The following CAMKK2 variants were observed in gnomAD, a reference collection of about 807,000 sequenced individuals.
CAMKK2 encodes the protein calcium/calmodulin dependent protein kinase kinase 2.
A neutral mutation model predicts 67.2 loss-of-function variants in CAMKK2; 30 were observed. The ratio of observed to expected loss-of-function variants is 0.45; its 90% CI spans 0.33 to 0.61. The LOEUF is 0.61. Among genes scored for constraint, CAMKK2 ranks in the 20% least tolerant of loss-of-function variants. The probability of loss-of-function intolerance (pLI) is 0.02; values close to 1 mark genes in which losing one functional copy is unlikely to be tolerated. For synonymous variants in CAMKK2, 322 were observed against 326.2 expected (o/e 0.99, Z 0.14); for missense variants, 643 against 802.0 (o/e 0.80, Z 2.39).
chr12:121,266,044 G>A (rs1050009040), intron 5 of CAMKK2, among the ~76,000 whole-genome samples: 3 of 152,018 alleles, frequency 2.0e-5, no homozygotes, highest in Non-Finnish European at 4.4e-5. Flanking sequence ...GGATCCTCCC[G>A]CCTCAGCCTC....
chr12:121,252,305 G>A (rs1219792822), intron 11 of CAMKK2, among the ~76,000 whole-genome samples: 1 of 152,188 alleles, frequency 6.6e-6, no homozygotes, highest in Non-Finnish European at 1.5e-5. Flanking sequence ...TCTCGCTCTT[G>A]TTGCCCAGGC....
chr12:121,271,955 C>T (rs1019675370), intron 2 of CAMKK2, among the ~76,000 whole-genome samples: 1 of 152,308 alleles, frequency 6.6e-6, no homozygotes, highest in Middle Eastern at 3.4e-3. Flanking sequence ...GGTTATCCTC[C>T]CGCCTTGGCC....
In CAMKK2 at chr12:121,255,695, C is replaced by A. The variant is rs1593329867; in HGVS notation, c.819-57G>T. On this transcript the variant is annotated intron_variant, in intron 8 of 16. Coordinates refer to ENST00000404169, the MANE Select transcript of CAMKK2 (RefSeq NM_001270485.2). ...GCAGACCCGCCAGCCCTTGCCCTCT[C>A]TCATGAGCAGAGCCCAGTGGCACCT... is the stretch of plus-strand genomic sequence containing the variant. The A allele has an allele frequency of 8.1e-6, 13 of 1,608,272 alleles. No individual in the cohort carries two copies. In the South Asian group the frequency reaches 1.3e-4, roughly 16 times the overall value.
intron 1 of CAMKK2, among the ~76,000 whole-genome samples, chr12:121,281,568 A>G (rs1225733579): frequency 6.6e-6 from 1 of 152,246 alleles, no homozygotes; most frequent in East Asian, 1.9e-4. Flanking sequence ...TTATAAAGCA[A>G]TGATCACGTG....
chr12:121,269,022 G>A (rs1031072213), intron 4 of CAMKK2, among the ~76,000 whole-genome samples: 13 of 152,250 alleles, frequency 8.5e-5, no homozygotes, highest in Admixed American at 2.6e-4. Context: ...CAAAGGAGGG[G>A]CAGGACTGGT....
chr12:121,281,148 C>T (rs182171619), intron 1 of CAMKK2, among the ~76,000 whole-genome samples: 46 of 152,192 alleles, frequency 3.0e-4, no homozygotes, highest in African/African-American at 8.2e-4. Context: ...TCAAGCCAGC[C>T]GACGCTTAGG....
intron 2 of CAMKK2, among the ~76,000 whole-genome samples, chr12:121,271,273 CA>C (rs11332649): frequency 0.55 from 62,440 of 112,938 alleles, 15,599 homozygotes; most frequent in African/African-American, 0.66. Flanking sequence ...AACTGTGTCT[CA>C]AAAAAAAAAA....
chr12:121,252,431 G>T (rs956190896), intron 11 of CAMKK2, among the ~76,000 whole-genome samples: 9 of 152,176 alleles, frequency 5.9e-5, no homozygotes, highest in African/African-American at 2.2e-4. Flanking sequence ...ATCACGCCTG[G>T]CTAATTTTTT....
At chr12:121,243,801 A>ACTTCCCG in intron 16 of CAMKK2, 1 of 1,060,950 alleles carries the variant, frequency 9.4e-7, no homozygotes, top group Non-Finnish European at 1.2e-6. Context: ...GGTGAATTAC[A>ACTTCCCG]TGGTATGTGA....
chr12:121,272,218 T>C lies in CAMKK2; in HGVS notation c.472-1273A>G, dbSNP rs890617430. 2.0e-5 allele frequency among the ~76,000 whole-genome samples: 3 copies of C among 152,212 alleles called. No individual in the cohort carries two copies. The East Asian group carries it at 5.8e-4, about 29-fold the overall frequency. Reference sequence around the variant, plus strand: ...GAAGTGAAAATGTGTTTACAAAGACTTGCATATAAATATTAATAACAGCTT... The same window carrying C: ...GAAGTGAAAATGTGTTTACAAAGACCTGCATATAAATATTAATAACAGCTT... On this transcript the variant is annotated intron_variant, in intron 2 of 16. Coordinates refer to ENST00000404169, the MANE Select transcript of CAMKK2 (RefSeq NM_001270485.2).
At chr12:121,278,766 A>G (rs1275819450) in intron 1 of CAMKK2, among the ~76,000 whole-genome samples, 1 of 152,212 alleles carries the variant, frequency 6.6e-6, no homozygotes, top group Non-Finnish European at 1.5e-5. Context: ...TAAATTGCCC[A>G]GTCTCGGGTA....
chr12:121,257,922 G>A (rs955521070), intron 7 of CAMKK2, among the ~76,000 whole-genome samples: 1 of 152,032 alleles, frequency 6.6e-6, no homozygotes, highest in African/African-American at 2.4e-5. Flanking sequence ...GTGGCCTGTT[G>A]AAACAGGTCT....
intron 10 of CAMKK2, among the ~76,000 whole-genome samples, chr12:121,252,997 C>T (rs113079547): frequency 0.01 from 1,555 of 152,318 alleles, 26 homozygotes; most frequent in African/African-American, 0.036. Context: ...ATGAGGAATG[C>T]TCTTGCCACT....
chr12:121,267,860 C>G (rs1894933190), intron 5 of CAMKK2, among the ~76,000 whole-genome samples: 1 of 151,848 alleles, frequency 6.6e-6, no homozygotes, highest in South Asian at 2.1e-4. Flanking sequence ...TCAGCATTCA[C>G]CCCTCATTTC....
chr12:121,250,279 T>G (rs1210134360), intron 11 of CAMKK2, among the ~76,000 whole-genome samples: 1 of 152,160 alleles, frequency 6.6e-6, no homozygotes, highest in African/African-American at 2.4e-5. Context: ...CCAAGCACAC[T>G]GCAGGCTCCC....
rs1180221568 is a variant in CAMKK2 at position 121,252,525 on chromosome 12, T to C, written c.1161+136A>G. 4.3e-5 allele frequency: 27 copies of C among 627,166 alleles called. No homozygotes were observed. In the South Asian group the frequency reaches 5.3e-4, roughly 12 times the overall value. 38.9% of individuals were successfully genotyped at this position (627,166 alleles called of 1,614,324 possible). ...CCTCTGCCTCAGCCTCCCAAAGTGC[T>C]GGGTTTACAGGCGTGAGCCACCATG... is the stretch of plus-strand genomic sequence containing the variant. On this transcript the variant is annotated intron_variant, in intron 11 of 16. Transcript: ENST00000404169.
At chr12:121,291,138 G>A (rs914652255) in intron 1 of CAMKK2, among the ~76,000 whole-genome samples, 1 of 152,142 alleles carries the variant, frequency 6.6e-6, no homozygotes, top group Non-Finnish European at 1.5e-5. Flanking sequence ...GTTTAAATGG[G>A]GAGCCACGAT....
intron 2 of CAMKK2, among the ~76,000 whole-genome samples, chr12:121,272,701 TA>T (rs11292057): frequency 0.49 from 57,962 of 117,454 alleles, 14,228 homozygotes; most frequent in African/African-American, 0.65. Context: ...CATCTCTACT[TA>T]AAAAAAAAAA....
chr12:121,291,310 G>A (rs12813237), intron 1 of CAMKK2, among the ~76,000 whole-genome samples: 6,246 of 152,302 alleles, frequency 0.041, 164 homozygotes, highest in Middle Eastern at 0.095. Context: ...TAACTGAGGG[G>A]CTACAGAGAC....
Sources: gnomAD v4.1 joint callset for allele counts (sites outside exome capture counted in the v4.1 genomes callset) on GRCh38, gnomAD v4.1.1 for gene constraint, MANE v1.5 for transcripts, NCBI Gene and HGNC (gene_info 2026-07-23, HGNC 2026-07-21) for gene names.